PHC3: variants seen among roughly 807,000 people sequenced by gnomAD.
PHC3 encodes the protein polyhomeotic-like protein 3.
In PHC3, 13 loss-of-function variants were observed where a neutral mutation model predicts 107.4. The ratio of observed to expected loss-of-function variants is 0.12; its 90% CI spans 0.08 to 0.19. PHC3 has a LOEUF of 0.19. Among genes scored for constraint, PHC3 ranks in the 10% least tolerant of loss-of-function variants. The pLI, the probability that PHC3 is intolerant of heterozygous loss-of-function variation, is 1.00. For synonymous variants in PHC3, 456 were observed against 427.4 expected, an observed-to-expected ratio of 1.07 and a Z score of -0.83; for missense variants, 992 against 1,210.9, an observed-to-expected ratio of 0.82 and a Z score of 2.68.
chr3:170,128,904 G>A lies in PHC3; in HGVS notation c.1568C>T (p.Ala523Val), dbSNP rs1172893082. Residue 523 changes from alanine to valine, a missense_variant, in exon 8 of 15, where the codon GCT (alanine) becomes GTT (valine). Ala to Val is a moderately conservative substitution (Grantham distance 64, BLOSUM62 0). This residue lies in a region of PHC3 where 543 missense variants were observed against 590.8 expected (regional missense o/e 0.92). Transcript: ENST00000495893. The part of the protein sequence containing the change: ...SPPQMSTSPP[A>V]QIPPLPLQSM... ...CTGCAAGGGCAGTGGTGGAATCTGA[G>A]CTGGAGGAGATGTCGACATCTGTGG... 6.2e-7 allele frequency: 1 copy of A among 1,614,032 alleles called. No individual in the cohort carries two copies. The highest frequency in any genetic ancestry group is 1.1e-5 in the South Asian group (1 of 91,090).
chr3:170,171,527 AC>A, intron 3 of PHC3, 77 bp from the exon 4 acceptor site: 1 of 1,003,848 alleles, frequency 1.0e-6, no homozygotes, highest in Non-Finnish European at 1.5e-6. Context: ...ATAACACAAA[AC>A]CACAACAATA....
At chr3:170,159,452 C>T (rs1727497523) in intron 4 of PHC3, among the ~76,000 whole-genome samples, 1 of 151,732 alleles carries the variant, frequency 6.6e-6, no homozygotes, top group African/African-American at 2.4e-5. Context: ...AAGGAAATAT[C>T]CCACACACAA....
intron 1 of PHC3, among the ~76,000 whole-genome samples, chr3:170,181,068 CGT>C (rs1731322445): frequency 6.6e-6 from 1 of 152,220 alleles, no homozygotes; most frequent in African/African-American, 2.4e-5. Flanking sequence ...ATGTGGCCCG[CGT>C]GTGAGGCAGC....
chr3:170,130,965 A>G (rs1397520497), intron 7 of PHC3, among the ~76,000 whole-genome samples: 1 of 152,100 alleles, frequency 6.6e-6, no homozygotes, highest in Non-Finnish European at 1.5e-5. Flanking sequence ...TATACCTTAC[A>G]TCTATTTTTG....
chr3:170,170,853 T>C (rs1039191072), intron 4 of PHC3: 2 of 152,544 alleles, frequency 1.3e-5, no homozygotes, highest in African/African-American at 4.8e-5. Flanking sequence ...AATTTCCCAA[T>C]ATATATGTGC....
At chr3:170,161,281 A>G (rs1727847711) in intron 4 of PHC3, among the ~76,000 whole-genome samples, 1 of 152,212 alleles carries the variant, frequency 6.6e-6, no homozygotes, top group South Asian at 2.1e-4. Context: ...GGCTTACATA[A>G]GATAAGGCCC....
chr3:170,100,165 G>C (rs1715244208), intron 14 of PHC3, among the ~76,000 whole-genome samples: 1 of 152,006 alleles, frequency 6.6e-6, no homozygotes, highest in Non-Finnish European at 1.5e-5. Flanking sequence ...TAAATGCCCT[G>C]GTTAAAGAGG....
chr3:170,136,042 T>C (rs1337662878), intron 7 of PHC3, among the ~76,000 whole-genome samples: 1 of 152,172 alleles, frequency 6.6e-6, no homozygotes, highest in East Asian at 1.9e-4. Context: ...CTCCCACTGA[T>C]AACAACTTTA....
At chr3:170,167,315 A>G (rs76646441) in intron 4 of PHC3, among the ~76,000 whole-genome samples, 18,319 of 152,132 alleles carry the variant, frequency 0.12, 1,148 homozygotes, top group Middle Eastern at 0.17. Context: ...CATCCAGCTA[A>G]TTTTTTGTTG....
At chr3:170,159,516 C>T (rs1386733012) in intron 4 of PHC3, among the ~76,000 whole-genome samples, 2 of 152,096 alleles carry the variant, frequency 1.3e-5, no homozygotes, top group South Asian at 4.1e-4. Flanking sequence ...CCAGAAAGGT[C>T]AACATTCAAC....
intron 4 of PHC3, chr3:170,170,598 A>T (rs563423004): frequency 6.6e-6 from 1 of 152,226 alleles, no homozygotes; most frequent in Non-Finnish European, 1.5e-5. Context: ...GGAAATACAC[A>T]TCAAAGTATT....
At chr3:170,162,328 G>T (rs979913270) in intron 4 of PHC3, among the ~76,000 whole-genome samples, 1 of 152,138 alleles carries the variant, frequency 6.6e-6, no homozygotes, top group East Asian at 1.9e-4. Flanking sequence ...CTATAGGTGG[G>T]TGTCTAATAC....
Position 170,164,222 on chromosome 3 carries a change from A to C in PHC3, c.414+7151T>G, listed in dbSNP as rs140291217. Among the ~76,000 whole-genome samples, 973 of 152,244 alleles carry C rather than the reference A, an allele frequency of 6.4e-3. 12 individuals carry two copies. The highest frequency in any genetic ancestry group is 0.022 in the African/African-American group (933 of 41,534). ...TAACAAAAACAAACAAACAAACAAAAAAATACAGGAGAGCTTTAAACAAAA... is the reference window on the plus strand; with the variant it reads ...TAACAAAAACAAACAAACAAACAAACAAATACAGGAGAGCTTTAAACAAAA... On this transcript the variant is annotated intron_variant, in intron 4 of 14. Transcript: ENST00000495893.
At position 170,093,541 on chromosome 3, in the gene PHC3, C is replaced by A. The variant is rs747674240; in HGVS notation, c.*3689G>T. 6 of 152,158 alleles carry A rather than the reference C, an allele frequency of 3.9e-5. No homozygotes were observed. Among genetic ancestry groups the A allele is most frequent in the Non-Finnish European group, 8.8e-5 (6 of 68,024 alleles). The allele number at this position is 152,158 out of a possible 1,614,324, so 9.4% of individuals were successfully genotyped here. On this transcript the variant is annotated 3_prime_UTR_variant, in exon 15 of 15. Transcript: ENST00000495893. ...TCACATACATCTATAATAGTGTATT[C>A]TTTCAAAAATTGTTTATACACACTT...
chr3:170,091,313 AATTC>A lies in PHC3; in HGVS notation c.*5913_*5916del, dbSNP rs922069340. 1.3e-5 allele frequency: 2 copies of A among 152,170 alleles called. No homozygotes were observed. Among genetic ancestry groups the A allele is most frequent in the African/African-American group, 4.8e-5 (2 of 41,446 alleles). 9.4% of individuals were successfully genotyped at this position (152,170 alleles called of 1,614,324 possible). ...CAAATTATGTTGTTTTCAAAACTGA[AATTC>A]ATTCATTACTCTGCTTTTTTTAAAC... is the stretch of plus-strand genomic sequence containing the variant. On this transcript the variant is annotated 3_prime_UTR_variant, in exon 15 of 15. Coordinates refer to ENST00000495893, the MANE Select transcript of PHC3 (RefSeq NM_024947.4).
chr3:170,170,018 T>C (rs1411082984), intron 4 of PHC3: 4 of 151,958 alleles, frequency 2.6e-5, no homozygotes, highest in Middle Eastern at 3.4e-3. Context: ...ACTAATCTTG[T>C]TCACACTCCA....
chr3:170,097,379 G>T lies in PHC3; in HGVS notation c.2839C>A (p.Gln947Lys). ...WAFIHSLPGC[Q>K]DIADEFRAQE... is the part of the protein sequence containing the mutation. ...GCTCTGAATTCATCTGCGATATCCT[G>T]GCAGCCTGGAATTTGACCAGAGGAC... Residue 947 changes from glutamine to lysine, a missense_variant, in exon 15 of 15, where the codon CAG (glutamine) becomes AAG (lysine). Transcript: ENST00000495893. The surrounding 1 kb of genome is among the most constrained non-coding windows in gnomAD (Gnocchi z 4.1). The T allele has an allele frequency of 6.2e-7, 1 of 1,611,848 alleles. No homozygotes were observed. The highest frequency in any genetic ancestry group is 8.5e-7 in the Non-Finnish European group (1 of 1,178,662).
intron 1 of PHC3, 46 bp downstream of exon 1, chr3:170,181,656 A>C: frequency 6.2e-7 from 1 of 1,612,082 alleles, no homozygotes; most frequent in Non-Finnish European, 8.5e-7. Flanking sequence ...CGCTGCCCCA[A>C]CTCGCCCCCC....
chr3:170,171,136 T>G (rs939536468), intron 4 of PHC3: 6 of 538,260 alleles, frequency 1.1e-5, no homozygotes, highest in Non-Finnish European at 1.6e-5. Flanking sequence ...CTGAACATGA[T>G]CAGTGCAAAT....
Sources: allele counts gnomAD v4.1 joint callset (sites outside exome capture counted in the v4.1 genomes callset), GRCh38; gene constraint gnomAD v4.1.1; regional missense constraint gnomAD v4.1.1; non-coding constraint Gnocchi (gnomAD v3.1); transcripts MANE v1.5; gene names NCBI Gene and HGNC (gene_info 2026-07-23, HGNC 2026-07-21).